NKAIN2: variants seen among roughly 807,000 people sequenced by gnomAD.
The protein encoded by NKAIN2 is sodium/potassium transporting ATPase interacting 2, also known as sodium/potassium-transporting ATPase subunit beta-1-interacting protein 2.
A neutral mutation model predicts 32.6 loss-of-function variants in NKAIN2; 14 were observed. The ratio of observed to expected loss-of-function variants is 0.43; its 90% CI spans 0.28 to 0.67. The LOEUF is 0.67. NKAIN2 is among the 30% of genes least tolerant of loss of function. NKAIN2 has a pLI of 0.17. For missense variants in NKAIN2, 198 were observed against 258.3 expected (o/e 0.77, Z 1.60); for synonymous variants, 80 against 87.2 (o/e 0.92, Z 0.46).
intron 1 of NKAIN2, among the ~76,000 whole-genome samples, chr6:124,207,184 T>C (rs1231628209): frequency 6.6e-6 from 1 of 151,388 alleles, no homozygotes; most frequent in Non-Finnish European, 1.5e-5. Flanking sequence ...CCCAGCTACT[T>C]GGGGGGCTGA....
At chr6:123,883,506 C>G (rs796625043) in intron 1 of NKAIN2, among the ~76,000 whole-genome samples, 8 of 151,992 alleles carry the variant, frequency 5.3e-5, no homozygotes, top group African/African-American at 1.9e-4. Flanking sequence ...CCTTCTCTCT[C>G]TCTTTTTCCT....
chr6:124,199,583 T>C (rs114785667), intron 1 of NKAIN2, among the ~76,000 whole-genome samples: 1,585 of 152,300 alleles, frequency 0.01, 30 homozygotes, highest in African/African-American at 0.036. Flanking sequence ...AGCTCGGTTC[T>C]TATTGGATCA....
At position 124,693,434 on chromosome 6, in the gene NKAIN2, G is replaced by A. The variant is rs141689765; in HGVS notation, c.474+35048G>A. Among the ~76,000 whole-genome samples the A allele has an allele frequency of 5.9e-3, 903 of 152,242 alleles. 5 individuals are homozygous for A. Among genetic ancestry groups the A allele is most frequent in the African/African-American group, 0.02 (848 of 41,542 alleles). On this transcript the variant is annotated intron_variant, in intron 4 of 6. Transcript: ENST00000368417. ...CACTGACAAAATTACCTATGGATCC[G>A]TTTCTCAGAACCATCGCTAAATGAT...
At chr6:123,927,492 G>A (rs1232645646) in intron 1 of NKAIN2, among the ~76,000 whole-genome samples, 1 of 152,138 alleles carries the variant, frequency 6.6e-6, no homozygotes, top group East Asian at 1.9e-4. Context: ...CATCGTAGGG[G>A]AATTAAAACT....
Position 124,366,027 on chromosome 6 carries a change from A to C in NKAIN2, c.273+10680A>C, listed in dbSNP as rs558331190. Among the ~76,000 whole-genome samples the C allele has an allele frequency of 5.3e-5, 8 of 152,228 alleles. No individual in the cohort carries two copies. The East Asian group carries it at 1.2e-3, about 22-fold the overall frequency. ...TGACCTTAAAGAGAGATATTAAAAGAGTAGAAATCCTCAAAACTCAATGAT... is the reference window on the plus strand; with the variant it reads ...TGACCTTAAAGAGAGATATTAAAAGCGTAGAAATCCTCAAAACTCAATGAT... On this transcript the variant is annotated intron_variant, in intron 3 of 6. Coordinates refer to ENST00000368417, the MANE Select transcript of NKAIN2 (RefSeq NM_001040214.3).
intron 2 of NKAIN2, among the ~76,000 whole-genome samples, chr6:124,304,358 A>T (rs1796422492): frequency 6.6e-6 from 1 of 152,178 alleles, no homozygotes; most frequent in African/African-American, 2.4e-5. Context: ...ATTTGATTTA[A>T]TCCTTTCCTA....
intron 3 of NKAIN2, among the ~76,000 whole-genome samples, chr6:124,643,328 G>A (rs548999132): frequency 6.6e-6 from 1 of 152,026 alleles, no homozygotes; most frequent in Non-Finnish European, 1.5e-5. Context: ...AATACAAGTT[G>A]TATATCTATA....
intron 4 of NKAIN2, among the ~76,000 whole-genome samples, chr6:124,725,866 A>G (rs4424105): frequency 0.59 from 89,427 of 152,144 alleles, 26,674 homozygotes; most frequent in East Asian, 0.72. Flanking sequence ...TGTGCAAGCC[A>G]AAGCAGGGCG....
intron 1 of NKAIN2, among the ~76,000 whole-genome samples, chr6:124,199,338 C>T (rs1030289895): frequency 2.5e-4 from 38 of 152,144 alleles, no homozygotes; most frequent in African/African-American, 6.5e-4. Flanking sequence ...AAGGTGAATG[C>T]GAGATCTGGC....
intron 1 of NKAIN2, chr6:124,122,005 C>A: frequency 2.4e-6 from 1 of 418,618 alleles, no homozygotes; most frequent in Admixed American, 3.5e-5. Flanking sequence ...TTGAAGAACT[C>A]ATGACCATAC....
intron 1 of NKAIN2, among the ~76,000 whole-genome samples, chr6:124,244,360 G>A (rs1042466818): frequency 2.7e-5 from 4 of 150,692 alleles, no homozygotes; most frequent in Non-Finnish European, 4.4e-5. Context: ...TTGTTCTTGC[G>A]ATAGTTTACT....
intron 3 of NKAIN2, among the ~76,000 whole-genome samples, chr6:124,488,995 A>T (rs1489630269): frequency 5.3e-5 from 8 of 151,912 alleles, no homozygotes; most frequent in African/African-American, 1.9e-4. Flanking sequence ...ATAGTTTAAT[A>T]AATATTGGTT....
At chr6:124,149,550 CA>C (rs1328814567) in intron 1 of NKAIN2, among the ~76,000 whole-genome samples, 1 of 152,198 alleles carries the variant, frequency 6.6e-6, no homozygotes, top group Non-Finnish European at 1.5e-5. Context: ...GTTCTGTCCC[CA>C]TTGGATTATA....
At chr6:124,474,935 G>T (rs1211636447) in intron 3 of NKAIN2, among the ~76,000 whole-genome samples, 1 of 125,682 alleles carries the variant, frequency 8.0e-6, no homozygotes, top group African/African-American at 2.7e-5. Flanking sequence ...CATTATATAG[G>T]TATATATCAT....
Position 124,823,283 on chromosome 6 carries a change from A to T in NKAIN2, c.*54A>T. 7.9e-7 allele frequency: 1 copy of T among 1,268,398 alleles called. No homozygotes were observed. The highest frequency in any genetic ancestry group is 1.2e-6 in the Non-Finnish European group (1 of 863,138). 78.6% of individuals were successfully genotyped at this position (1,268,398 alleles called of 1,614,324 possible). ...GGACCTTTCAAAGAACTTTTTTCGC[A>T]GTGGCCTCCTGCATTTCATGAAGAG... On this transcript the variant is annotated 3_prime_UTR_variant, in exon 7 of 7. Transcript: ENST00000368417.
chr6:124,350,182 G>T (rs1270486996), intron 2 of NKAIN2, among the ~76,000 whole-genome samples: 1 of 152,142 alleles, frequency 6.6e-6, no homozygotes, highest in Non-Finnish European at 1.5e-5. Context: ...TACTCAAACT[G>T]CATCATTGTC....
chr6:124,246,016 T>G lies in NKAIN2; in HGVS notation c.55-36989T>G, dbSNP rs376365088. On this transcript the variant is annotated intron_variant, in intron 1 of 6. Coordinates refer to ENST00000368417, the MANE Select transcript of NKAIN2 (RefSeq NM_001040214.3). ...AAGTTTCAGATTATGAAATGTAGTTTCAGATGATGAAATGTCATTTCTTCC... is the reference window on the plus strand; with the variant it reads ...AAGTTTCAGATTATGAAATGTAGTTGCAGATGATGAAATGTCATTTCTTCC... Among the ~76,000 whole-genome samples the G allele has an allele frequency of 2.4e-4, 37 of 152,260 alleles. No individual in the cohort carries two copies. The South Asian group carries it at 5.6e-3, about 23-fold the overall frequency.
intron 1 of NKAIN2, among the ~76,000 whole-genome samples, chr6:123,821,610 C>T (rs969639336): frequency 6.6e-6 from 1 of 152,132 alleles, no homozygotes; most frequent in African/African-American, 2.4e-5. Flanking sequence ...GAATTCTGTT[C>T]TGTAACAAAA....
At chr6:124,617,140 A>C (rs1242029388) in intron 3 of NKAIN2, among the ~76,000 whole-genome samples, 1 of 152,232 alleles carries the variant, frequency 6.6e-6, no homozygotes. Context: ...TCTGTCTCAA[A>C]GAATCATTGT....
Sources: gnomAD v4.1 joint callset for allele counts (sites outside exome capture counted in the v4.1 genomes callset) on GRCh38, gnomAD v4.1.1 for gene constraint, MANE v1.5 for transcripts, NCBI Gene and HGNC (gene_info 2026-07-23, HGNC 2026-07-21) for gene names.